The following FHOD3 variants were observed in gnomAD, a reference collection of about 807,000 sequenced individuals.
FHOD3 encodes the protein formin homology 2 domain containing 3.
FHOD3 carries 90 observed loss-of-function variants against 173.0 expected under a neutral mutation model. The ratio of observed to expected loss-of-function variants is 0.52; its 90% CI spans 0.44 to 0.62. The LOEUF is 0.62. FHOD3 is among the 20% of genes least tolerant of loss of function. The pLI is 0.00. For missense variants in FHOD3, 1,945 were observed against 2,034.7 expected, an observed-to-expected ratio of 0.96 and a Z score of 0.85; for synonymous variants, 828 against 823.0, an observed-to-expected ratio of 1.01 and a Z score of -0.10.
chr18:36,404,049 A>G (rs2048944672), intron 3 of FHOD3, among the ~76,000 whole-genome samples: 1 of 152,182 alleles, frequency 6.6e-6, no homozygotes, highest in Admixed American at 6.5e-5. Flanking sequence ...CAGAAACTGA[A>G]CTTCCCTGGT....
chr18:36,467,927 G>GAATGTT (rs2053042609), intron 3 of FHOD3, among the ~76,000 whole-genome samples: 1 of 152,224 alleles, frequency 6.6e-6, no homozygotes, highest in African/African-American at 2.4e-5. Flanking sequence ...CGAGAAGTGG[G>GAATGTT]TCCAAATGTT....
At chr18:36,380,598 C>A (rs907843605) in intron 3 of FHOD3, among the ~76,000 whole-genome samples, 10 of 135,706 alleles carry the variant, frequency 7.4e-5, no homozygotes, top group African/African-American at 1.5e-4. Flanking sequence ...CTTTCCTTTC[C>A]TTTCCTTTCC....
chr18:36,464,582 T>C (rs2052789003), intron 3 of FHOD3, among the ~76,000 whole-genome samples: 1 of 152,126 alleles, frequency 6.6e-6, no homozygotes, highest in African/African-American at 2.4e-5. Flanking sequence ...TAAGAGACAT[T>C]GCACTTCTTT....
rs2150038836 is a variant in FHOD3, at chr18:36,740,532, T to C, written c.3577-124T>C. The C allele has an allele frequency of 1.3e-5, 13 of 995,402 alleles. No homozygotes were observed. The South Asian group carries it at 1.8e-4, about 14-fold the overall frequency. The allele number at this position is 995,402 out of a possible 1,614,324, so 61.7% of individuals were successfully genotyped here. On this transcript the variant is annotated intron_variant, in intron 20 of 28. Coordinates refer to ENST00000590592, the MANE Select transcript of FHOD3 (RefSeq NM_001281740.3). The stretch of plus-strand genomic sequence containing the variant: ...TTCAAGTATATTTGGTTTATGACAA[T>C]ATAACACCTGTACATACCTCTACTA...
At chr18:36,508,281 T>TAA (rs374243067) in intron 4 of FHOD3, among the ~76,000 whole-genome samples, 22 of 150,844 alleles carry the variant, frequency 1.5e-4, no homozygotes, top group Admixed American at 2.7e-4. Context: ...TTTTTTTTTT[T>TAA]AAAAAAAGCT....
intron 1 of FHOD3, among the ~76,000 whole-genome samples, chr18:36,300,120 A>G (rs2091921093): frequency 6.6e-6 from 1 of 152,196 alleles, no homozygotes; most frequent in South Asian, 2.1e-4. Context: ...ACACAGCTCC[A>G]TAAGGTAGGG....
intron 3 of FHOD3, among the ~76,000 whole-genome samples, chr18:36,479,095 A>G (rs1223532931): frequency 2.0e-5 from 3 of 152,180 alleles, no homozygotes; most frequent in African/African-American, 7.2e-5. Context: ...TCCAGTGGCC[A>G]TTGCTGTGTG....
intron 17 of FHOD3, among the ~76,000 whole-genome samples, chr18:36,708,112 C>T (rs1014914525): frequency 6.6e-6 from 1 of 152,090 alleles, no homozygotes; most frequent in African/African-American, 2.4e-5. Context: ...AAGCATAAGC[C>T]AGATTGTGCC....
chr18:36,620,786 G>A (rs2033640338), intron 9 of FHOD3, among the ~76,000 whole-genome samples: 1 of 152,256 alleles, frequency 6.6e-6, no homozygotes, highest in Non-Finnish European at 1.5e-5. Flanking sequence ...AGCTGGCAGA[G>A]TTGGGATTTT....
chr18:36,446,586 G>T (rs1225228642), intron 3 of FHOD3, among the ~76,000 whole-genome samples: 1 of 152,148 alleles, frequency 6.6e-6, no homozygotes, highest in East Asian at 1.9e-4. Flanking sequence ...CTGCAAGTAA[G>T]TAGAGAGAAT....
intron 3 of FHOD3, among the ~76,000 whole-genome samples, chr18:36,449,784 G>A (rs2051716834): frequency 6.6e-6 from 1 of 152,054 alleles, no homozygotes; most frequent in African/African-American, 2.4e-5. Flanking sequence ...TGTTTTCCAA[G>A]TTCATTTTGA....
At chr18:36,443,063 T>C (rs1366848624) in intron 3 of FHOD3, among the ~76,000 whole-genome samples, 1 of 152,232 alleles carries the variant, frequency 6.6e-6, no homozygotes, top group Non-Finnish European at 1.5e-5. Context: ...TCTCAGTTCA[T>C]TGTATATGGA....
chr18:36,298,900 G>A (rs1232488277), intron 1 of FHOD3, among the ~76,000 whole-genome samples: 1 of 152,108 alleles, frequency 6.6e-6, no homozygotes, highest in Admixed American at 6.5e-5. Flanking sequence ...CTCTCACTTA[G>A]ACAGATTGAA....
chr18:36,419,481 AG>A (rs1301623863), intron 3 of FHOD3, among the ~76,000 whole-genome samples: 1 of 152,188 alleles, frequency 6.6e-6, no homozygotes, highest in Admixed American at 6.5e-5. Flanking sequence ...TTAAATAAAA[AG>A]GCAGATGCTT....
At position 36,386,177 on chromosome 18, in the gene FHOD3, A is replaced by G. The variant is rs1357805624; in HGVS notation, c.337+13433A>G. On this transcript the variant is annotated intron_variant, in intron 3 of 28. Transcript: ENST00000590592. The stretch of plus-strand genomic sequence containing the variant: ...GCAAACTTTCACTATACATATGGCA[A>G]TACATTTCTCAGATGACCCAGTATC... Among the ~76,000 whole-genome samples the G allele has an allele frequency of 6.6e-5, 10 of 152,214 alleles. No individual in the cohort carries two copies. In the East Asian group the frequency reaches 1.9e-3, roughly 29 times the overall value.
chr18:36,441,456 G>T (rs1291487523), intron 3 of FHOD3, among the ~76,000 whole-genome samples: 4 of 152,202 alleles, frequency 2.6e-5, no homozygotes, highest in African/African-American at 7.2e-5. Context: ...GGAGTCTACA[G>T]GAAGTGTGAC....
chr18:36,509,769 T>A (rs535433250), intron 4 of FHOD3, among the ~76,000 whole-genome samples: 21 of 152,368 alleles, frequency 1.4e-4, no homozygotes, highest in African/African-American at 4.8e-4. Context: ...ATAAACATGC[T>A]TGGACTCTTG....
intron 5 of FHOD3, among the ~76,000 whole-genome samples, chr18:36,553,784 T>G (rs1373934577): frequency 6.6e-6 from 1 of 152,032 alleles, no homozygotes; most frequent in African/African-American, 2.4e-5. Flanking sequence ...TAAACAAATT[T>G]ACAAGAAAAA....
intron 5 of FHOD3, among the ~76,000 whole-genome samples, chr18:36,559,875 G>C (rs764095421): frequency 2.6e-5 from 4 of 151,972 alleles, no homozygotes; most frequent in Admixed American, 2.6e-4. Flanking sequence ...TTAGCCCCCC[G>C]GTCCCACAGC....
Sources: gnomAD v4.1 joint callset for allele counts (sites outside exome capture counted in the v4.1 genomes callset) on GRCh38, gnomAD v4.1.1 for gene constraint, MANE v1.5 for transcripts, NCBI Gene and HGNC (gene_info 2026-07-23, HGNC 2026-07-21) for gene names.